PDE4DIP: variants seen among roughly 807,000 people sequenced by gnomAD.
The protein encoded by PDE4DIP is myomegalin.
Under a neutral mutation model 221.4 loss-of-function variants are expected in PDE4DIP, and 59 were observed. The ratio of observed to expected loss-of-function variants is 0.27; its 90% CI spans 0.22 to 0.33. PDE4DIP has a LOEUF of 0.33. Ranked by LOEUF, PDE4DIP falls within the 10% of genes least tolerant of loss-of-function variation. PDE4DIP has a pLI of 1.00. For missense variants in PDE4DIP, 1,036 were observed against 2,154.2 expected, an observed-to-expected ratio of 0.48 and a Z score of 10.28; for synonymous variants, 404 against 815.9, an observed-to-expected ratio of 0.50 and a Z score of 8.60.
chr1:148,924,406 A>G (rs1337833324), intron 1 of PDE4DIP, among the ~76,000 whole-genome samples: 1 of 152,208 alleles, frequency 6.6e-6, no homozygotes, highest in Non-Finnish European at 1.5e-5. Flanking sequence ...GTATAATTTA[A>G]TCGCTGTACA....
chr1:149,013,829 G>A (rs587612127), intron 32 of PDE4DIP, among the ~76,000 whole-genome samples: 3 of 113,352 alleles, frequency 2.6e-5, no homozygotes, highest in East Asian at 2.7e-4. Flanking sequence ...ACTTTGTCAC[G>A]CAGACTGAAG....
intron 21 of PDE4DIP, among the ~76,000 whole-genome samples, chr1:148,987,687 A>ATTAG (rs1403645516): frequency 2.0e-5 from 3 of 152,186 alleles, no homozygotes; most frequent in Admixed American, 1.3e-4. Context: ...TTTATCCCAT[A>ATTAG]TTAGTGGCTT....
At chr1:149,021,384 T>C (rs2072850828) in intron 37 of PDE4DIP, 4 of 471,504 alleles carry the variant, frequency 8.5e-6, no homozygotes, top group East Asian at 7.3e-5. Context: ...TTTAAGAAAA[T>C]CTAGACATTC....
chr1:148,832,835 CA>C (rs1672469843), intron 1 of PDE4DIP, among the ~76,000 whole-genome samples: 1 of 129,756 alleles, frequency 7.7e-6, no homozygotes, highest in Non-Finnish European at 1.7e-5. Context: ...TTCGGTTTGC[CA>C]GTATTTTATT....
intron 1 of PDE4DIP, among the ~76,000 whole-genome samples, chr1:148,927,609 T>TA (rs2047002887): frequency 1.3e-5 from 2 of 151,906 alleles, no homozygotes. Flanking sequence ...GATAGTAAAG[T>TA]AAAATCCTCC....
At chr1:148,933,767 C>T (rs1409917781) in intron 4 of PDE4DIP, among the ~76,000 whole-genome samples, 1 of 152,132 alleles carries the variant, frequency 6.6e-6, no homozygotes, top group South Asian at 2.1e-4. Context: ...AAGATCCATA[C>T]TCCTAATGTG....
chr1:149,021,421 T>C (rs1553619130), intron 37 of PDE4DIP: 3 of 409,730 alleles, frequency 7.3e-6, no homozygotes, highest in African/African-American at 2.0e-5. Context: ...TGTAACATTT[T>C]TGAAAGCAAA....
At chr1:149,006,747 C>T (rs1172498242) in intron 27 of PDE4DIP, 1 of 129,512 alleles carries the variant, frequency 7.7e-6, no homozygotes, top group Non-Finnish European at 1.6e-5. Flanking sequence ...GTCATCCAGG[C>T]TGGAGTGCAG....
intron 19 of PDE4DIP, 151 bp downstream of exon 22, chr1:148,978,566 T>C (rs2060583085): frequency 1.5e-5 from 8 of 550,884 alleles, no homozygotes; most frequent in Non-Finnish European, 2.6e-5. Context: ...CCCCTCAAAG[T>C]GCTGGAATTA....
At chr1:148,989,403 C>T (rs1179021843) in intron 21 of PDE4DIP, 4 of 763,544 alleles carry the variant, frequency 5.2e-6, no homozygotes, top group South Asian at 7.2e-5. Context: ...AGAACCATAG[C>T]ATCCTGCTCT....
intron 5 of PDE4DIP, among the ~76,000 whole-genome samples, chr1:148,958,801 C>T (rs2056093419): frequency 1.3e-5 from 2 of 150,944 alleles, no homozygotes; most frequent in South Asian, 2.1e-4. Context: ...TTAAGTTTAC[C>T]TATTTATTTT....
intron 5 of PDE4DIP, among the ~76,000 whole-genome samples, chr1:148,955,236 T>C (rs1553501042): frequency 6.6e-6 from 1 of 152,274 alleles, no homozygotes; most frequent in Non-Finnish European, 1.5e-5. Context: ...AGTATTTCTG[T>C]GACTAGACAT....
chr1:148,987,433 G>A (rs1266358450), intron 21 of PDE4DIP, among the ~76,000 whole-genome samples: 1 of 152,080 alleles, frequency 6.6e-6, no homozygotes, highest in Non-Finnish European at 1.5e-5. Context: ...AGCAATAGTT[G>A]GTTCATGACG....
At chr1:148,975,447 A>T (rs2059983335) in intron 17 of PDE4DIP, among the ~76,000 whole-genome samples, 2 of 150,092 alleles carry the variant, frequency 1.3e-5, no homozygotes, top group Admixed American at 1.3e-4. Flanking sequence ...TTTCTCTTTT[A>T]AAATGGGAGT....
chr1:149,014,754 G>A lies in PDE4DIP; in HGVS notation c.5267-1545G>A, dbSNP rs868958099. ...ATTGTTTGCTTTGAGCCAAGTTTCCGTGTGGACAGTGGTGCATGGTGGCCT... is the reference window on the plus strand; with the variant it reads ...ATTGTTTGCTTTGAGCCAAGTTTCCATGTGGACAGTGGTGCATGGTGGCCT... On this transcript the variant is annotated intron_variant, in intron 32 of 43. Coordinates refer to ENST00000369354, the Ensembl canonical transcript of PDE4DIP. 1.2e-3 allele frequency among the ~76,000 whole-genome samples: 182 copies of A among 145,810 alleles called. 2 individuals carry two copies. In the East Asian group the frequency reaches 0.031, roughly 25 times the overall value.
chr1:149,029,894 G>A (rs144527285), exon 42 of PDE4DIP: 467 of 1,576,338 alleles, frequency 3.0e-4, no homozygotes, highest in South Asian at 1.6e-3. Flanking sequence ...ACCAGCAGAA[G>A]GAGAGCATGG....
In PDE4DIP at chr1:148,978,071, A is replaced by G. The variant is rs781935066; in HGVS notation, c.2436+18A>G. ...TCATAAAGGTCTTTCAAAACTTTTT[A>G]AAGACCACTGGAAATGTTCACAGCT... On this transcript the variant is annotated intron_variant, in intron 18 of 43. Coordinates refer to ENST00000369354, the Ensembl canonical transcript of PDE4DIP. The G allele has an allele frequency of 6.2e-7, 1 of 1,605,158 alleles. No homozygotes were observed. Among genetic ancestry groups the G allele is most frequent in the East Asian group, 2.2e-5 (1 of 44,830 alleles).
intron 20 of PDE4DIP, 85 bp from the exon 24 acceptor site, chr1:148,981,185 G>A (rs1353826762): frequency 8.1e-7 from 1 of 1,236,692 alleles, no homozygotes; most frequent in South Asian, 1.2e-5. Flanking sequence ...GCTCAAAGTG[G>A]TATTGATGGT....
chr1:148,949,285 C>T (rs1423960760), intron 5 of PDE4DIP, among the ~76,000 whole-genome samples: 1 of 150,168 alleles, frequency 6.7e-6, no homozygotes, highest in African/African-American at 2.5e-5. Context: ...ATTCCACTCT[C>T]TAGACATAAC....
Sources: allele counts gnomAD v4.1 joint callset (sites outside exome capture counted in the v4.1 genomes callset), GRCh38; gene constraint gnomAD v4.1.1; transcripts MANE v1.5; gene names NCBI Gene and HGNC (gene_info 2026-07-23, HGNC 2026-07-21).